UGT2B17: variants seen among roughly 807,000 people sequenced by gnomAD.
UGT2B17 encodes UDP glucuronosyltransferase family 2 member B17, also known as UDP-glucuronosyltransferase 2B17.
In UGT2B17, 21 loss-of-function variants were observed where a neutral mutation model predicts 48.2. The observed-to-expected ratio is 0.44, with a 90% CI of 0.31 to 0.63. The LOEUF (loss-of-function observed/expected upper bound fraction) is 0.63, where lower values mean the gene tolerates loss of function less well. UGT2B17 is among the 20% of genes least tolerant of loss of function. The pLI, the probability that UGT2B17 is intolerant of heterozygous loss-of-function variation, is 0.08. For synonymous variants in UGT2B17, 146 were observed against 238.4 expected, an observed-to-expected ratio of 0.61 and a Z score of 3.57; for missense variants, 402 against 696.1, an observed-to-expected ratio of 0.58 and a Z score of 4.75.
At chr4:68,559,727 C>G (rs1427158893) in intron 4 of UGT2B17, among the ~76,000 whole-genome samples, 1 of 125,356 alleles carries the variant, frequency 8.0e-6, no homozygotes, top group African/African-American at 2.7e-5. Context: ...TAAGTTCCTA[C>G]CATGTTTATT....
rs1422370518 is a variant in UGT2B17 at position 68,543,699 on chromosome 4, A to T, written c.1314-5795T>A. Among the ~76,000 whole-genome samples, 8 of 123,900 alleles carry T rather than the reference A, an allele frequency of 6.5e-5. 1 individual carries two copies. Among genetic ancestry groups the T allele is most frequent in the African/African-American group, 2.2e-4 (8 of 36,298 alleles). 81.3% of individuals were successfully genotyped at this position (123,900 alleles called of 152,430 possible). A position where few individuals can be genotyped will look rare whatever the true frequency, so the allele number is the denominator to read the frequency against. ...AAAAACCTTGAAAAAAGATTAGATG[A>T]ATGGCTAACTAGATAACCAATGCAG... On this transcript the variant is annotated intron_variant, in intron 6 of 6. Coordinates refer to ENST00000317746, the MANE Select transcript of UGT2B17 (RefSeq NM_001077.4).
chr4:68,551,772 C>A, intron 5 of UGT2B17, 52 bp downstream of exon 5: 1 of 1,101,562 alleles, frequency 9.1e-7, no homozygotes, highest in Non-Finnish European at 1.2e-6. Flanking sequence ...AATATTATCA[C>A]TTCTAATTGG....
rs1186080338 is a variant in UGT2B17, at chr4:68,549,950, G to A, written c.1313+727C>T. On this transcript the variant is annotated intron_variant, in intron 6 of 6. Transcript: ENST00000317746. ...AAGAATATTATATAGAAATAAAAAT[G>A]AATGAGTTCTGATACATCCAACAAC... Among the ~76,000 whole-genome samples, 23 of 125,730 alleles carry A rather than the reference G, an allele frequency of 1.8e-4. 6 individuals carry two copies. Among genetic ancestry groups the A allele is most frequent in the African/African-American group, 6.2e-4 (23 of 36,998 alleles). The allele number at this position is 125,730 out of a possible 152,430, so 82.5% of individuals were successfully genotyped here. A position where few individuals can be genotyped will look rare whatever the true frequency, so the allele number is the denominator to read the frequency against.
Position 68,565,696 on chromosome 4 carries a change from G to C in UGT2B17, c.749C>G (p.Thr250Arg). 1 of 1,359,894 alleles carries C rather than the reference G, an allele frequency of 7.4e-7. No individual in the cohort carries two copies. The highest frequency in any genetic ancestry group is 1.5e-5 in the African/African-American group (1 of 66,840). 84.2% of individuals were successfully genotyped at this position (1,359,894 alleles called of 1,614,324 possible). Residue 250 changes from threonine to arginine, a missense_variant, in exon 3 of 7, where the codon ACA becomes AGA. Physicochemically the swap from Thr to Arg is moderately conservative, Grantham distance 71. This residue lies in a region of UGT2B17 where 106 missense variants were observed against 169.8 expected (regional missense o/e 0.62). Coordinates refer to ENST00000317746, the MANE Select transcript of UGT2B17 (RefSeq NM_001077.4). ...VLGRPTTLFE[T>R]MGKAEMWLIR... ...GAGCCACATTTCAGCTTTCCCCATT[G>C]TCTCAAATAATGTAGTGGGTCTTCC... is the stretch of plus-strand genomic sequence containing the variant.
chr4:68,540,068 G>A lies in UGT2B17; in HGVS notation c.1314-2164C>T, dbSNP rs767582398. ...CCCAAAGTGTTGGAATTACAGGTGT[G>A]AGCCACCACACCCAGTCTCCATAAA... On this transcript the variant is annotated intron_variant, in intron 6 of 6. Coordinates refer to ENST00000317746, the MANE Select transcript of UGT2B17 (RefSeq NM_001077.4). 1.6e-5 allele frequency among the ~76,000 whole-genome samples: 2 copies of A among 123,724 alleles called. 1 individual carries two copies. The highest frequency in any genetic ancestry group is 5.5e-5 in the African/African-American group (2 of 36,120). The allele number at this position is 123,724 out of a possible 152,430, so 81.2% of individuals were successfully genotyped here. A position where few individuals can be genotyped will look rare whatever the true frequency, so the allele number is the denominator to read the frequency against.
rs1156792106 is a variant in UGT2B17, at chr4:68,549,166, T to C, written c.1313+1511A>G. 3.2e-5 allele frequency among the ~76,000 whole-genome samples: 4 copies of C among 124,690 alleles called. 1 individual carries two copies. The highest frequency in any genetic ancestry group is 1.1e-4 in the African/African-American group (4 of 36,540). 81.8% of individuals were successfully genotyped at this position (124,690 alleles called of 152,430 possible). A position where few individuals can be genotyped will look rare whatever the true frequency, so the allele number is the denominator to read the frequency against. Reference sequence around the variant, plus strand: ...TTGGTAAAGTGTTTTTAATGTATTCTCTTAGCTGGTACCACCTTACATCAT... The same window carrying C: ...TTGGTAAAGTGTTTTTAATGTATTCCCTTAGCTGGTACCACCTTACATCAT... On this transcript the variant is annotated intron_variant, in intron 6 of 6. Transcript: ENST00000317746.
rs1386489468 is a variant in UGT2B17, at chr4:68,553,021, C to T, written c.1006-1110G>A. On this transcript the variant is annotated intron_variant, in intron 4 of 6. Transcript: ENST00000317746. ...GGGCAGTTTTAGCCTGAAACCCATC[C>T]GTAGGTAAATAGCTGAATTGGGGTT... Among the ~76,000 whole-genome samples the T allele has an allele frequency of 8.0e-5, 10 of 124,734 alleles. 2 individuals are homozygous for T. In the Admixed American group the frequency reaches 8.3e-4, roughly 10 times the overall value. The allele number at this position is 124,734 out of a possible 152,430, so 81.8% of individuals were successfully genotyped here.
chr4:68,550,516 CTT>C (rs1426986382), intron 6 of UGT2B17, among the ~76,000 whole-genome samples, 159 bp downstream of exon 6: 1 of 125,218 alleles, frequency 8.0e-6, no homozygotes, highest in Admixed American at 8.2e-5. Flanking sequence ...TGAAATGTAA[CTT>C]TGAAATAATT....
At position 68,568,015 on chromosome 4, in the gene UGT2B17, C is replaced by G; in HGVS notation, c.470G>C (p.Cys157Ser). 7.2e-7 allele frequency: 1 copy of G among 1,382,382 alleles called. No individual in the cohort carries two copies. Among genetic ancestry groups the G allele is most frequent in the Admixed American group, 2.0e-5 (1 of 50,482 alleles). The allele number at this position is 1,382,382 out of a possible 1,614,324, so 85.6% of individuals were successfully genotyped here. ...AAGTAGCTCAGCCAGCAGCTCACCA[C>G]AGGGATTAACGGCATCTGCCAGAAG... ...DVLLADAVNP[C>S]GELLAELLNI... The change falls in exon 2 of 7, where the codon TGT becomes TCT. Residue 157 changes from cysteine to serine, a missense_variant. Transcript: ENST00000317746.
At chr4:68,573,201 C>T (rs1440598343) in intron 1 of UGT2B17, among the ~76,000 whole-genome samples, 2 of 127,016 alleles carry the variant, frequency 1.6e-5, no homozygotes, top group Non-Finnish European at 3.3e-5. Flanking sequence ...GACATGGGGG[C>T]CAGCCTTTGG....
rs763057562 is a variant in UGT2B17, at chr4:68,537,785, C to T, written c.1433G>A (p.Arg478Gln). The change falls in exon 7 of 7, where the codon CGG becomes CAG. Residue 478 changes from arginine (R) to glutamine (Q), a missense_variant. Physicochemically the swap from Arg to Gln is conservative, Grantham distance 43. This residue lies in a region of UGT2B17 where 156 missense variants were observed against 258.6 expected (regional missense o/e 0.60). Coordinates refer to ENST00000317746, the MANE Select transcript of UGT2B17 (RefSeq NM_001077.4). ...CCAGGTGAGGTTGTGGGCTGCGACC[C>T]GAAGGTGCTTGGCTCCTTTATGGCG... ...VMRHKGAKHL[R>Q]VAAHNLTWIQ... The T allele has an allele frequency of 1.2e-5, 16 of 1,379,496 alleles. 6 individuals are homozygous for T. The South Asian group carries it at 1.8e-4, about 16-fold the overall frequency. 85.5% of individuals were successfully genotyped at this position (1,379,496 alleles called of 1,614,324 possible). A position where few individuals can be genotyped will look rare whatever the true frequency, so the allele number is the denominator to read the frequency against.
At chr4:68,569,045 T>G (rs1239374274) in intron 1 of UGT2B17, among the ~76,000 whole-genome samples, 1 of 134,068 alleles carries the variant, frequency 7.5e-6, no homozygotes, top group Non-Finnish European at 1.6e-5. Context: ...AATTTCTATC[T>G]CTATAGATTA....
In UGT2B17 at chr4:68,568,076, G is replaced by A. The variant is rs760020469; in HGVS notation, c.409C>T (p.Leu137Phe). Residue 137 changes from leucine to phenylalanine, a missense_variant, in exon 2 of 7, where the codon CTT becomes TTT. This residue lies in a region of UGT2B17 where 84 missense variants were observed against 92.6 expected (regional missense o/e 0.91). Coordinates refer to ENST00000317746, the MANE Select transcript of UGT2B17 (RefSeq NM_001077.4). ...LCEDAVLNKK[L>F]MRKLQESKFD... Reference sequence around the variant, plus strand: ...TTTGACTCTTGTAGTTTTCTCATAAGTTTCTTGTTCAAAACTGCATCTTCA... The same window carrying A: ...TTTGACTCTTGTAGTTTTCTCATAAATTTCTTGTTCAAAACTGCATCTTCA... 5 of 1,382,832 alleles carry A rather than the reference G, an allele frequency of 3.6e-6. 1 individual carries two copies. In the Admixed American group the frequency reaches 7.9e-5, roughly 22 times the overall value. 85.7% of individuals were successfully genotyped at this position (1,382,832 alleles called of 1,614,324 possible). A position where few individuals can be genotyped will look rare whatever the true frequency, so the allele number is the denominator to read the frequency against.
In UGT2B17 at chr4:68,562,902, C is replaced by T. The variant is rs1372231610; in HGVS notation, c.874-2234G>A. On this transcript the variant is annotated intron_variant, in intron 3 of 6. Transcript: ENST00000317746. The stretch of plus-strand genomic sequence containing the variant: ...TCTGTTCCTTAGTTTCCAACTATAC[C>T]TGTACTACAGCTGACAGTGTAATTA... Among the ~76,000 whole-genome samples, 2 of 126,044 alleles carry T rather than the reference C, an allele frequency of 1.6e-5. 1 individual carries two copies. Among genetic ancestry groups the T allele is most frequent in the Non-Finnish European group, 3.4e-5 (2 of 59,562 alleles). The allele number at this position is 126,044 out of a possible 152,430, so 82.7% of individuals were successfully genotyped here. A position where few individuals can be genotyped will look rare whatever the true frequency, so the allele number is the denominator to read the frequency against.
intron 6 of UGT2B17, among the ~76,000 whole-genome samples, chr4:68,541,433 C>T (rs554159334): frequency 7.9e-6 from 1 of 126,592 alleles, no homozygotes; most frequent in Non-Finnish European, 1.7e-5. Flanking sequence ...GTGTTGGCTG[C>T]ATAAATGTAT....
At position 68,544,305 on chromosome 4, in the gene UGT2B17, A is replaced by G. The variant is rs1161491422; in HGVS notation, c.1313+6372T>C. On this transcript the variant is annotated intron_variant, in intron 6 of 6. Transcript: ENST00000317746. ...ACATTCTTAAAGAAAAGAATCTTCA[A>G]CCCAGAATTTCATATCCAGCCAAAC... Among the ~76,000 whole-genome samples the G allele has an allele frequency of 3.2e-5, 4 of 126,566 alleles. 1 individual carries two copies. The highest frequency in any genetic ancestry group is 8.1e-5 in the African/African-American group (3 of 37,018). 83.0% of individuals were successfully genotyped at this position (126,566 alleles called of 152,430 possible).
At chr4:68,561,556 G>C (rs1244301121) in intron 3 of UGT2B17, among the ~76,000 whole-genome samples, 3 of 123,882 alleles carry the variant, frequency 2.4e-5, no homozygotes, top group Non-Finnish European at 5.1e-5. Context: ...TCACTTTGCT[G>C]TGTCTCACAG....
intron 6 of UGT2B17, among the ~76,000 whole-genome samples, chr4:68,547,114 C>A (rs1730827733): frequency 1.7e-5 from 2 of 115,702 alleles, no homozygotes; most frequent in Non-Finnish European, 3.6e-5. Flanking sequence ...CCCGCATCAC[C>A]AAGTCAATCC....
chr4:68,558,908 C>T (rs1731053460), intron 4 of UGT2B17, among the ~76,000 whole-genome samples: 1 of 125,366 alleles, frequency 8.0e-6, no homozygotes, highest in Non-Finnish European at 1.7e-5. Context: ...CAAAGGAATG[C>T]CTCTTCCCTG....
Sources: gnomAD v4.1 joint callset for allele counts (sites outside exome capture counted in the v4.1 genomes callset) on GRCh38, gnomAD v4.1.1 for gene constraint, gnomAD v4.1.1 regional missense constraint, MANE v1.5 for transcripts, NCBI Gene and HGNC (gene_info 2026-07-23, HGNC 2026-07-21) for gene names.